Variants in MGA observed in about 807,000 individuals in gnomAD.
The protein encoded by MGA is MAX dimerization protein MGA, also known as MAX gene-associated protein.
In MGA, 40 loss-of-function variants were observed where a neutral mutation model predicts 261.1. That is an observed-to-expected ratio of 0.15 (90% confidence interval 0.12 to 0.20). The LOEUF (loss-of-function observed/expected upper bound fraction) is 0.20. Among genes scored for constraint, MGA ranks in the 10% least tolerant of loss-of-function variants. The pLI is 1.00. For missense variants in MGA, 3,397 were observed against 3,630.5 expected (o/e 0.94, Z 1.65); for synonymous variants, 1,302 against 1,290.6 (o/e 1.01, Z -0.19).
At chr15:41,672,927 A>T (rs2058148482) in intron 2 of MGA, among the ~76,000 whole-genome samples, 1 of 152,008 alleles carries the variant, frequency 6.6e-6, no homozygotes, top group South Asian at 2.1e-4. Context: ...CTGATATATG[A>T]TTGCTCTGTC....
chr15:41,735,981 A>G (rs1316344634), intron 12 of MGA, among the ~76,000 whole-genome samples, 200 bp from the exon 13 acceptor site: 1 of 152,164 alleles, frequency 6.6e-6, no homozygotes, highest in Non-Finnish European at 1.5e-5. Context: ...AGTCAGCAGG[A>G]TAATGAGGAC....
chr15:41,726,864 A>G (rs2061280548), intron 9 of MGA, among the ~76,000 whole-genome samples: 1 of 152,016 alleles, frequency 6.6e-6, no homozygotes. Context: ...TTGATATTAT[A>G]TATTTATGGG....
At chr15:41,712,712 A>G (rs1301490792) in intron 8 of MGA, among the ~76,000 whole-genome samples, 2 of 152,114 alleles carry the variant, frequency 1.3e-5, no homozygotes, top group Admixed American at 6.6e-5. Context: ...TTTTTCTGTA[A>G]AGGGCCAAAT....
chr15:41,714,975 G>GT (rs1348699170), intron 9 of MGA, among the ~76,000 whole-genome samples: 3 of 151,764 alleles, frequency 2.0e-5, no homozygotes, highest in East Asian at 1.9e-4. Context: ...ATTGGAGTGT[G>GT]TTTTTTTCCT....
chr15:41,665,192 C>T (rs1259863805), intron 1 of MGA, among the ~76,000 whole-genome samples: 7 of 152,152 alleles, frequency 4.6e-5, no homozygotes, highest in African/African-American at 1.7e-4. Context: ...TGCTGCTCAT[C>T]ATTAGCTCTG....
chr15:41,760,585 A>G (rs2063396149), intron 20 of MGA, 56 bp downstream of exon 20: 1 of 1,550,000 alleles, frequency 6.5e-7, no homozygotes, highest in Non-Finnish European at 8.9e-7. Context: ...CTTACCGATG[A>G]TATGAGAAAG....
intron 2 of MGA, among the ~76,000 whole-genome samples, chr15:41,673,536 C>A (rs1170417284): frequency 8.3e-6 from 1 of 120,366 alleles, no homozygotes; most frequent in Non-Finnish European, 1.8e-5. Flanking sequence ...CTTTTTCTTT[C>A]TTTCTTTTTT....
intron 11 of MGA, among the ~76,000 whole-genome samples, chr15:41,729,700 T>A (rs1452964450): frequency 2.0e-5 from 3 of 151,858 alleles, no homozygotes; most frequent in Admixed American, 6.6e-5. Flanking sequence ...TGGTGCCGCA[T>A]GCCTGTAATC....
chr15:41,722,248 G>C (rs1439453538), intron 9 of MGA, among the ~76,000 whole-genome samples: 1 of 149,492 alleles, frequency 6.7e-6, no homozygotes, highest in Admixed American at 6.8e-5. Flanking sequence ...TCCTGCCTCA[G>C]CCTCCCGAGT....
intron 11 of MGA, among the ~76,000 whole-genome samples, chr15:41,732,580 CACTT>C (rs970263730): frequency 2.0e-5 from 3 of 152,144 alleles, no homozygotes; most frequent in Non-Finnish European, 2.9e-5. Context: ...ACCAAGTGAA[CACTT>C]ACTTATTGTG....
intron 7 of MGA, among the ~76,000 whole-genome samples, chr15:41,709,144 C>T (rs1210473672): frequency 2.0e-5 from 3 of 151,964 alleles, no homozygotes; most frequent in Admixed American, 6.6e-5. Flanking sequence ...CTCAGGAATT[C>T]GAGACCAGCC....
chr15:41,661,100 A>G (rs1358040440), intron 1 of MGA, among the ~76,000 whole-genome samples: 1 of 152,196 alleles, frequency 6.6e-6, no homozygotes, highest in African/African-American at 2.4e-5. Context: ...GTCAAGTTTA[A>G]TAAAGGAGGG....
chr15:41,693,879 G>A (rs2059415288), intron 2 of MGA, among the ~76,000 whole-genome samples: 1 of 152,094 alleles, frequency 6.6e-6, no homozygotes, highest in Non-Finnish European at 1.5e-5. Context: ...AAAAGTAATG[G>A]ATGTGAAAGT....
chr15:41,765,423 GC>G (rs1454081572), intron 23 of MGA, among the ~76,000 whole-genome samples: 1 of 152,198 alleles, frequency 6.6e-6, no homozygotes, highest in Admixed American at 6.5e-5. Context: ...TGCATTATTA[GC>G]CCCATTCACT....
At chr15:41,678,338 G>T (rs1425604279) in intron 2 of MGA, among the ~76,000 whole-genome samples, 1 of 151,658 alleles carries the variant, frequency 6.6e-6, no homozygotes, top group Non-Finnish European at 1.5e-5. Context: ...TGATCTGCCC[G>T]CCTCAGCCTC....
intron 9 of MGA, among the ~76,000 whole-genome samples, chr15:41,714,378 A>G (rs959256466): frequency 2.2e-4 from 33 of 152,208 alleles, no homozygotes; most frequent in Non-Finnish European, 8.8e-5. Context: ...TATAAGCTGT[A>G]CGGTGATGAA....
At position 41,684,093 on chromosome 15, in the gene MGA, A is replaced by G. The variant is rs559233847; in HGVS notation, c.1065-11982A>G. Among the ~76,000 whole-genome samples the G allele has an allele frequency of 5.9e-5, 9 of 152,154 alleles. No homozygotes were observed. In the South Asian group the frequency reaches 1.0e-3, roughly 18 times the overall value. ...TTTATTATAGCATCTGTTAAATTGC[A>G]TCATATTGTCTACTTGTCTGTCTCC... On this transcript the variant is annotated intron_variant, in intron 2 of 23. Transcript: ENST00000219905.
At chr15:41,649,870 G>A (rs1411592736) in intron 1 of MGA, among the ~76,000 whole-genome samples, 1 of 152,068 alleles carries the variant, frequency 6.6e-6, no homozygotes, top group Non-Finnish European at 1.5e-5. Context: ...TAGTAGAGAC[G>A]GGGTTTCGCC....
At chr15:41,744,476 G>A (rs1426800280) in intron 15 of MGA, among the ~76,000 whole-genome samples, 1 of 152,090 alleles carries the variant, frequency 6.6e-6, no homozygotes, top group African/African-American at 2.4e-5. Flanking sequence ...GATTACAGGC[G>A]TGAGCCACCA....
Sources: allele counts gnomAD v4.1 joint callset (sites outside exome capture counted in the v4.1 genomes callset), GRCh38; gene constraint gnomAD v4.1.1; transcripts MANE v1.5; gene names NCBI Gene and HGNC (gene_info 2026-07-23, HGNC 2026-07-21).